The following PTPRD variants were observed in gnomAD, a reference collection of about 807,000 sequenced individuals.
PTPRD encodes protein tyrosine phosphatase receptor type D.
A neutral mutation model predicts 214.5 loss-of-function variants in PTPRD; 34 were observed. The ratio of observed to expected loss-of-function variants is 0.16; its 90% CI spans 0.12 to 0.21. The LOEUF is 0.21. Among genes scored for constraint, PTPRD ranks in the 10% least tolerant of loss-of-function variants. PTPRD has a pLI of 1.00. For synonymous variants in PTPRD, 1,128 were observed against 845.7 expected (o/e 1.33, Z -5.79); for missense variants, 2,545 against 2,398.7 (o/e 1.06, Z -1.27).
intron 3 of PTPRD, among the ~76,000 whole-genome samples, chr9:10,216,824 T>C (rs2099543507): frequency 6.6e-6 from 1 of 151,996 alleles, no homozygotes; most frequent in African/African-American, 2.4e-5. Context: ...TCTAATTCAA[T>C]AGCAAAATTC....
At chr9:8,940,066 GAA>G (rs35415741) in intron 11 of PTPRD, among the ~76,000 whole-genome samples, 53 of 147,490 alleles carry the variant, frequency 3.6e-4, no homozygotes, top group Admixed American at 6.1e-4. Context: ...AATAAGTTTG[GAA>G]AAAAAAAAAA....
chr9:9,130,928 G>A (rs368225998), intron 10 of PTPRD, among the ~76,000 whole-genome samples: 14 of 152,122 alleles, frequency 9.2e-5, no homozygotes, highest in African/African-American at 2.9e-4. Flanking sequence ...ATCCTATGAC[G>A]AACCCTTTAG....
chr9:10,522,031 G>A (rs1344964958), intron 2 of PTPRD, among the ~76,000 whole-genome samples: 1 of 152,076 alleles, frequency 6.6e-6, no homozygotes, highest in Non-Finnish European at 1.5e-5. Context: ...GTATACATAT[G>A]TGTATATCCA....
chr9:8,690,327 A>G (rs568431331), intron 12 of PTPRD, among the ~76,000 whole-genome samples: 72 of 151,984 alleles, frequency 4.7e-4, no homozygotes, highest in African/African-American at 1.7e-3. Flanking sequence ...GGACATGGAG[A>G]CCATCCTGGA....
At chr9:9,138,744 A>G (rs187602659) in intron 10 of PTPRD, among the ~76,000 whole-genome samples, 1 of 152,254 alleles carries the variant, frequency 6.6e-6, no homozygotes, top group African/African-American at 2.4e-5. Flanking sequence ...ACAGTTCTGT[A>G]TTTTAACACA....
chr9:8,526,696 C>A (rs368054821), intron 16 of PTPRD, 52 bp from the exon 17 acceptor site: 3 of 1,485,070 alleles, frequency 2.0e-6, no homozygotes, highest in Non-Finnish European at 2.8e-6. Context: ...AGCATTAGTA[C>A]GAGAAGAAGG....
intron 9 of PTPRD, among the ~76,000 whole-genome samples, chr9:9,279,433 T>G (rs1946867287): frequency 6.7e-6 from 1 of 149,692 alleles, no homozygotes; most frequent in African/African-American, 2.4e-5. Context: ...ACTGGTATGA[T>G]GCTAGAAGAT....
intron 7 of PTPRD, among the ~76,000 whole-genome samples, chr9:9,601,107 ATATATG>A (rs1260992277): frequency 2.5e-4 from 21 of 84,592 alleles, no homozygotes; most frequent in African/African-American, 6.8e-4. Flanking sequence ...AAAGAGATTA[ATATATG>A]TGTGTGTGTG....
intron 11 of PTPRD, among the ~76,000 whole-genome samples, chr9:8,971,011 A>G (rs2099235014): frequency 1.3e-5 from 2 of 151,826 alleles, no homozygotes; most frequent in Admixed American, 6.6e-5. Context: ...AAAGCCTAAA[A>G]GCATTTTCAT....
chr9:9,222,419 T>C (rs1424064663), intron 9 of PTPRD, among the ~76,000 whole-genome samples: 1 of 152,064 alleles, frequency 6.6e-6, no homozygotes, highest in East Asian at 1.9e-4. Context: ...GAGTGCGACA[T>C]TACTTATAAT....
chr9:9,966,985 T>TG (rs1465055244), intron 4 of PTPRD, among the ~76,000 whole-genome samples: 1 of 152,088 alleles, frequency 6.6e-6, no homozygotes. Flanking sequence ...ATCTGAATAA[T>TG]GGAGAGTTTA....
At chr9:8,943,206 C>G (rs1432742110) in intron 11 of PTPRD, among the ~76,000 whole-genome samples, 5 of 151,894 alleles carry the variant, frequency 3.3e-5, no homozygotes, top group Non-Finnish European at 5.9e-5. Context: ...TCCATACTAC[C>G]CAAAACAATC....
chr9:10,351,912 C>A (rs1031311784), intron 2 of PTPRD, among the ~76,000 whole-genome samples: 3 of 151,984 alleles, frequency 2.0e-5, no homozygotes, highest in Admixed American at 2.0e-4. Context: ...TAGCAAACCT[C>A]CTTAGGAAAA....
intron 4 of PTPRD, among the ~76,000 whole-genome samples, chr9:9,995,565 T>G (rs1359247545): frequency 1.3e-5 from 2 of 152,180 alleles, no homozygotes; most frequent in Middle Eastern, 3.2e-3. Context: ...GGCAGTAGCT[T>G]GGCAGTGGCC....
chr9:8,381,770 T>C (rs1345474433), intron 37 of PTPRD, among the ~76,000 whole-genome samples: 1 of 152,176 alleles, frequency 6.6e-6, no homozygotes, highest in Non-Finnish European at 1.5e-5. Flanking sequence ...TTAAAAAAGT[T>C]ATTCCCTTTT....
chr9:9,020,862 G>A (rs767601641), intron 10 of PTPRD, among the ~76,000 whole-genome samples: 2 of 152,102 alleles, frequency 1.3e-5, no homozygotes, highest in African/African-American at 2.4e-5. Context: ...GCTAGATGAC[G>A]TATCTACTCG....
intron 7 of PTPRD, among the ~76,000 whole-genome samples, chr9:9,695,151 A>G (rs2097348813): frequency 6.6e-6 from 1 of 152,110 alleles, no homozygotes. Context: ...TTCAGGGCTC[A>G]AGGGCTCTTT....
intron 2 of PTPRD, among the ~76,000 whole-genome samples, chr9:10,347,230 C>T (rs2097100045): frequency 6.6e-6 from 1 of 151,984 alleles, no homozygotes; most frequent in Non-Finnish European, 1.5e-5. Flanking sequence ...AGTCCTGCCT[C>T]TATGAGCATA....
intron 2 of PTPRD, among the ~76,000 whole-genome samples, chr9:10,515,927 G>A (rs1211765047): frequency 1.3e-5 from 2 of 151,810 alleles, no homozygotes; most frequent in Admixed American, 6.6e-5. Context: ...TTTTATGGCT[G>A]AGTAAGATTC....
Sources: gnomAD v4.1 joint callset for allele counts (sites outside exome capture counted in the v4.1 genomes callset) on GRCh38, gnomAD v4.1.1 for gene constraint, MANE v1.5 for transcripts, NCBI Gene and HGNC (gene_info 2026-07-23, HGNC 2026-07-21) for gene names.